The following CAB39 variants were observed in gnomAD, a reference collection of about 807,000 sequenced individuals.
CAB39 encodes the protein calcium-binding protein 39.
In CAB39, 8 loss-of-function variants were observed where a neutral mutation model predicts 40.0. That is an observed-to-expected ratio of 0.20 (90% confidence interval 0.12 to 0.36). The LOEUF (loss-of-function observed/expected upper bound fraction) is 0.36. CAB39 is among the 10% of genes least tolerant of loss of function. The pLI is 1.00. For missense variants in CAB39, 270 were observed against 401.1 expected (o/e 0.67, Z 2.79); for synonymous variants, 156 against 141.6 (o/e 1.10, Z -0.72).
At chr2:230,735,301 G>C (rs1276543375) in intron 1 of CAB39, among the ~76,000 whole-genome samples, 1 of 151,636 alleles carries the variant, frequency 6.6e-6, no homozygotes, top group Non-Finnish European at 1.5e-5. Flanking sequence ...TGAGCAGCTG[G>C]GATTACAGGC....
At chr2:230,745,264 G>C (rs538398957) in intron 1 of CAB39, among the ~76,000 whole-genome samples, 1 of 152,154 alleles carries the variant, frequency 6.6e-6, no homozygotes, top group Non-Finnish European at 1.5e-5. Context: ...AGAATGTTCC[G>C]CTAACAATGG....
chr2:230,751,879 A>G (rs1159255411), intron 1 of CAB39, among the ~76,000 whole-genome samples: 3 of 152,128 alleles, frequency 2.0e-5, no homozygotes, highest in Non-Finnish European at 4.4e-5. Flanking sequence ...CAGGCTTTTC[A>G]GGTGACTTTC....
intron 5 of CAB39, among the ~76,000 whole-genome samples, chr2:230,809,007 T>C (rs1327913265): frequency 2.6e-5 from 4 of 152,200 alleles, no homozygotes; most frequent in African/African-American, 4.8e-5. Flanking sequence ...TTGAATCAAA[T>C]AATCCCACAA....
intron 1 of CAB39, among the ~76,000 whole-genome samples, chr2:230,732,757 G>A (rs1210374676): frequency 1.3e-5 from 2 of 152,168 alleles, no homozygotes; most frequent in Non-Finnish European, 2.9e-5. Context: ...TGGGATAAAT[G>A]ATGATGATAA....
rs1040109350 is a variant in CAB39 at position 230,814,494 on chromosome 2, G to T, written c.693+380G>T. On this transcript the variant is annotated intron_variant, in intron 7 of 8. Transcript: ENST00000258418. Reference sequence around the variant, plus strand: ...GAGGGTGGAGGGAGGCGATGTGCGTGTGAGGCTGTGGACCGTAGACAGGCT... The same window carrying T: ...GAGGGTGGAGGGAGGCGATGTGCGTTTGAGGCTGTGGACCGTAGACAGGCT... 1.3e-5 allele frequency among the ~76,000 whole-genome samples: 2 copies of T among 152,172 alleles called. 1 individual carries two copies. Among genetic ancestry groups the T allele is most frequent in the Non-Finnish European group, 2.9e-5 (2 of 68,042 alleles).
rs750057051 is a variant in CAB39 at position 230,759,987 on chromosome 2, C to T, written c.-15C>T. ...GCACAGGCGGAGTGCAGCGGAGGCC[C>T]CTGCCGCTGCCGTCATGCCGTTCCC... On this transcript the variant is annotated 5_prime_UTR_variant, in exon 2 of 9. Coordinates refer to ENST00000258418, the MANE Select transcript of CAB39 (RefSeq NM_016289.4). The T allele has an allele frequency of 3.2e-5, 48 of 1,503,928 alleles. No individual in the cohort carries two copies. Among genetic ancestry groups the T allele is most frequent in the Non-Finnish European group, 4.2e-5 (45 of 1,079,926 alleles). The allele number at this position is 1,503,928 out of a possible 1,614,324, so 93.2% of individuals were successfully genotyped here. A position where few individuals can be genotyped will look rare whatever the true frequency, so the allele number is the denominator to read the frequency against.
chr2:230,794,528 G>C (rs1420746946), intron 4 of CAB39, among the ~76,000 whole-genome samples: 1 of 152,146 alleles, frequency 6.6e-6, no homozygotes, highest in Non-Finnish European at 1.5e-5. Flanking sequence ...TTTCACTTCA[G>C]AGTAATCAGA....
chr2:230,807,803 C>G (rs763963146), intron 5 of CAB39, among the ~76,000 whole-genome samples: 11 of 152,194 alleles, frequency 7.2e-5, no homozygotes, highest in Non-Finnish European at 1.6e-4. Context: ...CCTAAGAATC[C>G]AACCTCAGTT....
At chr2:230,774,373 T>G (rs1487274657) in intron 2 of CAB39, among the ~76,000 whole-genome samples, 1 of 152,218 alleles carries the variant, frequency 6.6e-6, no homozygotes, top group African/African-American at 2.4e-5. Flanking sequence ...ATTAGTCTCT[T>G]AGGAGACTAA....
chr2:230,817,695 T>TA, intron 7 of CAB39, 59 bp from the exon 8 acceptor site: 1 of 1,379,984 alleles, frequency 7.2e-7, no homozygotes, highest in Non-Finnish European at 9.9e-7. Flanking sequence ...ATTGTTTTTT[T>TA]AAACTTTGAT....
chr2:230,748,704 G>A (rs1695018318), intron 1 of CAB39, among the ~76,000 whole-genome samples: 1 of 150,872 alleles, frequency 6.6e-6, no homozygotes, highest in African/African-American at 2.4e-5. Context: ...TACATAGGGA[G>A]GCTGAGGCAC....
chr2:230,810,790 T>C (rs1696290823), intron 6 of CAB39, among the ~76,000 whole-genome samples: 1 of 152,236 alleles, frequency 6.6e-6, no homozygotes. Flanking sequence ...AGTTAACCGC[T>C]TGGGGACTTA....
At chr2:230,756,685 ATTT>A (rs1695198408) in intron 1 of CAB39, among the ~76,000 whole-genome samples, 1 of 151,300 alleles carries the variant, frequency 6.6e-6, no homozygotes, top group African/African-American at 2.4e-5. Flanking sequence ...TTATTTATTT[ATTT>A]ATTTATTTAT....
chr2:230,727,052 AGGAGT>A (rs1260891467), intron 1 of CAB39, among the ~76,000 whole-genome samples: 1 of 151,956 alleles, frequency 6.6e-6, no homozygotes, highest in Non-Finnish European at 1.5e-5. Flanking sequence ...AACAAGACAT[AGGAGT>A]ATATCCAGAA....
At chr2:230,798,690 T>C (rs1238286851) in intron 4 of CAB39, 39 bp from the exon 5 acceptor site, 2 of 1,544,916 alleles carry the variant, frequency 1.3e-6, no homozygotes, top group South Asian at 1.2e-5. Context: ...GAAAAAGCAA[T>C]CATGTTTGGT....
At chr2:230,789,963 G>A (rs541924948) in intron 2 of CAB39, among the ~76,000 whole-genome samples, 2 of 152,102 alleles carry the variant, frequency 1.3e-5, no homozygotes. Flanking sequence ...GGCCAGGCAC[G>A]GTGGCTCACA....
At chr2:230,783,411 C>T (rs1695729070) in intron 2 of CAB39, among the ~76,000 whole-genome samples, 1 of 149,768 alleles carries the variant, frequency 6.7e-6, no homozygotes, top group Non-Finnish European at 1.5e-5. Flanking sequence ...TATTTCGTTG[C>T]CCGTTCTTAG....
intron 1 of CAB39, among the ~76,000 whole-genome samples, chr2:230,759,639 G>T (rs1481901187): frequency 6.6e-6 from 1 of 152,216 alleles, no homozygotes; most frequent in African/African-American, 2.4e-5. Context: ...AGTAGCAGTT[G>T]CCCTGTGAGT....
chr2:230,747,857 G>T (rs185483463), intron 1 of CAB39, among the ~76,000 whole-genome samples: 11 of 152,284 alleles, frequency 7.2e-5, no homozygotes, highest in Admixed American at 1.3e-4. Flanking sequence ...GAGAGAGGTG[G>T]AACTAAAGTA....
Sources: gnomAD v4.1 joint callset for allele counts (sites outside exome capture counted in the v4.1 genomes callset) on GRCh38, gnomAD v4.1.1 for gene constraint, MANE v1.5 for transcripts, NCBI Gene and HGNC (gene_info 2026-07-23, HGNC 2026-07-21) for gene names.